The following ETS2 variants were observed in gnomAD, a reference collection of about 807,000 sequenced individuals.
ETS2 encodes protein C-ets-2.
In ETS2, 19 loss-of-function variants were observed where a neutral mutation model predicts 54.9. That is an observed-to-expected ratio of 0.35 (90% CI 0.24 to 0.51). ETS2 has a LOEUF of 0.51. Ranked by LOEUF, ETS2 falls within the 20% of genes least tolerant of loss-of-function variation. The pLI, the probability that ETS2 is intolerant of heterozygous loss-of-function variation, is 0.97. For synonymous variants in ETS2, 219 were observed against 229.3 expected, an observed-to-expected ratio of 0.95 and a Z score of 0.41; for missense variants, 417 against 593.0, an observed-to-expected ratio of 0.70 and a Z score of 3.08.
At position 38,814,487 on chromosome 21, in the gene ETS2, G is replaced by T. The variant is rs73450556; in HGVS notation, c.304+95G>T. On this transcript the variant is annotated intron_variant, in intron 4 of 9. Transcript: ENST00000360938. This position sits in a 1 kb window ranked among gnomAD's most constrained non-coding sequence, Gnocchi z 4.2. ...CTTGTTTATTAAGCTTTTGCTTGGG[G>T]TATTCTGCAAAGAGTAGCATGGATG... 1.6e-3 allele frequency: 2,344 copies of T among 1,485,990 alleles called. 29 individuals are homozygous for T. In the African/African-American group the frequency reaches 0.023, roughly 15 times the overall value. The allele number at this position is 1,485,990 out of a possible 1,614,324, so 92.1% of individuals were successfully genotyped here.
Position 38,823,540 on chromosome 21 carries a change from A to C in ETS2, c.*651A>C, listed in dbSNP as rs1051420. 0.31 allele frequency: 47,724 copies of C among 152,324 alleles called. 7,803 individuals are homozygous for C. The highest frequency in any genetic ancestry group is 0.36 in the Non-Finnish European group (24,308 of 67,974). The allele number at this position is 152,324 out of a possible 1,614,324, so 9.4% of individuals were successfully genotyped here. A position where few individuals can be genotyped will look rare whatever the true frequency, so the allele number is the denominator to read the frequency against. Reference sequence around the variant, plus strand: ...AATCTGCCAAGGGCCGACTAAGAGAAGTTGTAAAGTATGTATTATTTACAT... The same window carrying C: ...AATCTGCCAAGGGCCGACTAAGAGACGTTGTAAAGTATGTATTATTTACAT... On this transcript the variant is annotated 3_prime_UTR_variant, in exon 10 of 10. Coordinates refer to ENST00000360938, the MANE Select transcript of ETS2 (RefSeq NM_005239.6).
chr21:38,814,750 A>T lies in ETS2; in HGVS notation c.305-31A>T. 1 of 1,598,294 alleles carries T rather than the reference A, an allele frequency of 6.3e-7. No individual in the cohort carries two copies. Among genetic ancestry groups the T allele is most frequent in the Non-Finnish European group, 8.6e-7 (1 of 1,166,218 alleles). On this transcript the variant is annotated intron_variant, in intron 4 of 9. Coordinates refer to ENST00000360938, the MANE Select transcript of ETS2 (RefSeq NM_005239.6). This position sits in a 1 kb window ranked among gnomAD's most constrained non-coding sequence, Gnocchi z 4.2. ...ACTACCTTTCCACTGTTTTTACCTCATGTGTTCCATTTTTTCTTCTCTCCT... is the reference window on the plus strand; with the variant it reads ...ACTACCTTTCCACTGTTTTTACCTCTTGTGTTCCATTTTTTCTTCTCTCCT...
At chr21:38,820,211 C>G (rs2060952332) in intron 8 of ETS2, among the ~76,000 whole-genome samples, 1 of 152,222 alleles carries the variant, frequency 6.6e-6, no homozygotes, top group South Asian at 2.1e-4. Flanking sequence ...TGGGTGAGAG[C>G]TATTCTAGGC....
chr21:38,812,568 G>A (rs968241087), intron 2 of ETS2, among the ~76,000 whole-genome samples: 4 of 152,212 alleles, frequency 2.6e-5, no homozygotes, highest in Admixed American at 2.6e-4. Flanking sequence ...ATTACACGAG[G>A]TCAGGAGTTT....
In ETS2 at chr21:38,806,516, G is replaced by C; in HGVS notation, c.-1+396G>C. The C allele has an allele frequency of 1.0e-6, 1 of 985,566 alleles. No individual in the cohort carries two copies. The highest frequency in any genetic ancestry group is 1.2e-6 in the Non-Finnish European group (1 of 830,034). The allele number at this position is 985,566 out of a possible 1,614,324, so 61.1% of individuals were successfully genotyped here. ...CCGGCGAACATGATTTCGCGAACGG[G>C]AGTGGGGGCACAGGAGAGCGTGTCC... On this transcript the variant is annotated intron_variant, in intron 1 of 9. Transcript: ENST00000360938. This position sits in a 1 kb window ranked among gnomAD's most constrained non-coding sequence, Gnocchi z 4.3.
intron 8 of ETS2, 87 bp downstream of exon 8, chr21:38,819,853 G>A (rs1008419262): frequency 1.0e-4 from 144 of 1,372,534 alleles, no homozygotes; most frequent in African/African-American, 5.4e-4. Flanking sequence ...CACATTCACC[G>A]AGGGTGTTTC....
rs1042607818 is a variant in ETS2, at chr21:38,819,554, G to A, written c.863G>A (p.Ser288Asn). The change falls in exon 8 of 10, where the codon AGC becomes AAC. Residue 288 changes from serine (S) to asparagine (N), a missense_variant. Around this residue, in one of 3 missense-constraint regions of ETS2, gnomAD observed 326 missense variants for 426.1 expected, o/e 0.76. Transcript: ENST00000360938. ...GAGAACGGTGCGGACAGCTTCGAGA[G>A]CTCAGACTCCCTCCTCCAGTCCTGG... is the stretch of plus-strand genomic sequence containing the variant. Reference protein sequence around the residue: ...SPENGADSFESSDSLLQSWNS... With the variant: ...SPENGADSFENSDSLLQSWNS... 3 of 1,614,178 alleles carry A rather than the reference G, an allele frequency of 1.9e-6. No individual in the cohort carries two copies. Among genetic ancestry groups the A allele is most frequent in the Non-Finnish European group, 2.5e-6 (3 of 1,180,032 alleles).
At chr21:38,816,146 A>G (rs1240508629) in intron 5 of ETS2, among the ~76,000 whole-genome samples, 1 of 150,738 alleles carries the variant, frequency 6.6e-6, no homozygotes, top group Non-Finnish European at 1.5e-5. Context: ...TTTAGGTTAA[A>G]AAAATATAAG....
rs1158847839 is a variant in ETS2, at chr21:38,821,098, T to C, written c.1076-488T>C. Among the ~76,000 whole-genome samples the C allele has an allele frequency of 6.6e-6, 1 of 152,126 alleles. No homozygotes were observed. Among genetic ancestry groups the C allele is most frequent in the Admixed American group, 6.5e-5 (1 of 15,280 alleles). On this transcript the variant is annotated intron_variant, in intron 8 of 9. Coordinates refer to ENST00000360938, the MANE Select transcript of ETS2 (RefSeq NM_005239.6). The surrounding 1 kb of genome is among the most constrained non-coding windows in gnomAD (Gnocchi z 4.2). Reference sequence around the variant, plus strand: ...GGGCTCACATTAAGCAATTTACACATGGTCATTTGGCAGGAAGGTGGCATG... The same window carrying C: ...GGGCTCACATTAAGCAATTTACACACGGTCATTTGGCAGGAAGGTGGCATG...
chr21:38,806,652 G>A lies in ETS2; in HGVS notation c.-1+532G>A. 2 of 985,442 alleles carry A rather than the reference G, an allele frequency of 2.0e-6. No individual in the cohort carries two copies. Among genetic ancestry groups the A allele is most frequent in the Non-Finnish European group, 2.4e-6 (2 of 829,954 alleles). 61.0% of individuals were successfully genotyped at this position (985,442 alleles called of 1,614,324 possible). A position where few individuals can be genotyped will look rare whatever the true frequency, so the allele number is the denominator to read the frequency against. ...GGCTGCGGCACCGCGGGAACCTGCG[G>A]GGCGCGGGGTGCCATGGTCACCTGC... On this transcript the variant is annotated intron_variant, in intron 1 of 9. Coordinates refer to ENST00000360938, the MANE Select transcript of ETS2 (RefSeq NM_005239.6). This position sits in a 1 kb window ranked among gnomAD's most constrained non-coding sequence, Gnocchi z 4.3.
At position 38,814,031 on chromosome 21, in the gene ETS2, T is replaced by C. The variant is rs1339695054; in HGVS notation, c.185-242T>C. Among the ~76,000 whole-genome samples, 3 of 152,256 alleles carry C rather than the reference T, an allele frequency of 2.0e-5. No homozygotes were observed. The highest frequency in any genetic ancestry group is 7.2e-5 in the African/African-American group (3 of 41,466). Reference sequence around the variant, plus strand: ...TACGCACAACTGCTTTGTGACGCTTTGCAAAATAGAATCAAATCTGAGTTT... The same window carrying C: ...TACGCACAACTGCTTTGTGACGCTTCGCAAAATAGAATCAAATCTGAGTTT... On this transcript the variant is annotated intron_variant, in intron 3 of 9. Coordinates refer to ENST00000360938, the MANE Select transcript of ETS2 (RefSeq NM_005239.6). This position sits in a 1 kb window ranked among gnomAD's most constrained non-coding sequence, Gnocchi z 4.2.
At chr21:38,822,209 C>T (rs990513265) in intron 9 of ETS2, among the ~76,000 whole-genome samples, 4 of 152,228 alleles carry the variant, frequency 2.6e-5, no homozygotes, top group Non-Finnish European at 5.9e-5. Flanking sequence ...CCCTTGGTCT[C>T]TGGCACTGGG....
chr21:38,805,559 G>A (rs2060888356), upstream of ETS2: 1 of 1,281,754 alleles, frequency 7.8e-7, no homozygotes, highest in Middle Eastern at 3.2e-4. This position sits in a 1 kb window ranked among gnomAD's most constrained non-coding sequence, Gnocchi z 5.2. Flanking sequence ...CTGCTCCCGG[G>A]GCCTCAGGGC....
chr21:38,805,486 C>T (rs1231362472), upstream of ETS2: 5 of 1,288,140 alleles, frequency 3.9e-6, no homozygotes, highest in Non-Finnish European at 5.1e-6. The surrounding 1 kb of genome is among the most constrained non-coding windows in gnomAD (Gnocchi z 5.2). Flanking sequence ...ACGCCGAGCG[C>T]TCCACGGAAA....
At chr21:38,817,137 C>T (rs2060938775) in intron 6 of ETS2, 46 bp downstream of exon 6, 1 of 1,264,162 alleles carries the variant, frequency 7.9e-7, no homozygotes, top group Non-Finnish European at 1.2e-6. Flanking sequence ...CTTCAGTCTT[C>T]CCAGTAGACT....
chr21:38,821,751 C>T lies in ETS2; in HGVS notation c.1194+47C>T. The T allele has an allele frequency of 2.2e-6, 3 of 1,378,916 alleles. No individual in the cohort carries two copies. The highest frequency in any genetic ancestry group is 3.1e-6 in the Non-Finnish European group (3 of 967,908). The allele number at this position is 1,378,916 out of a possible 1,614,324, so 85.4% of individuals were successfully genotyped here. ...ATCTCTGGGCTTGAAAACCTGATTT[C>T]CTGCTTGCATTCAAAAACTCAGTTC... is the stretch of plus-strand genomic sequence containing the variant. On this transcript the variant is annotated intron_variant, in intron 9 of 9. Coordinates refer to ENST00000360938, the MANE Select transcript of ETS2 (RefSeq NM_005239.6). This position sits in a 1 kb window ranked among gnomAD's most constrained non-coding sequence, Gnocchi z 4.2.
rs147905372 is a variant in ETS2 at position 38,822,614 on chromosome 21, A to G, written c.1195-60A>G. On this transcript the variant is annotated intron_variant, in intron 9 of 9. Transcript: ENST00000360938. ...AGAATCATAATCAGGGAGGAATGTCATTCACTTTTTCTTCATTGACAAATT... is the reference window on the plus strand; with the variant it reads ...AGAATCATAATCAGGGAGGAATGTCGTTCACTTTTTCTTCATTGACAAATT... The G allele has an allele frequency of 2.0e-3, 2,859 of 1,407,354 alleles. 48 individuals carry two copies. In the African/African-American group the frequency reaches 0.035, roughly 17 times the overall value. 87.2% of individuals were successfully genotyped at this position (1,407,354 alleles called of 1,614,324 possible).
intron 1 of ETS2, 30 bp from the exon 2 acceptor site, chr21:38,810,005 C>A: frequency 6.7e-7 from 1 of 1,484,648 alleles, no homozygotes; most frequent in Non-Finnish European, 9.2e-7. Flanking sequence ...AATCTTTTGC[C>A]TCTTTGACTT....
At position 38,814,251 on chromosome 21, in the gene ETS2, C is replaced by A. The variant is rs967623738; in HGVS notation, c.185-22C>A. On this transcript the variant is annotated intron_variant, in intron 3 of 9. Transcript: ENST00000360938. The surrounding 1 kb of genome is among the most constrained non-coding windows in gnomAD (Gnocchi z 4.2). ...ATCACCAACTTGAAGTCCTAATGTC[C>A]CCATGGGGGGTTTCCTTCCAGACTC... The A allele has an allele frequency of 3.7e-6, 6 of 1,613,058 alleles. No individual in the cohort carries two copies. The highest frequency in any genetic ancestry group is 2.5e-6 in the Non-Finnish European group (3 of 1,179,460).
Sources: gnomAD v4.1 joint callset for allele counts (sites outside exome capture counted in the v4.1 genomes callset) on GRCh38, gnomAD v4.1.1 for gene constraint, gnomAD v4.1.1 regional missense constraint, Gnocchi (gnomAD v3.1) non-coding constraint, MANE v1.5 for transcripts, NCBI Gene and HGNC (gene_info 2026-07-23, HGNC 2026-07-21) for gene names.